Variants in INTS9 observed in about 807,000 individuals in gnomAD.
INTS9 encodes integrator complex subunit 9.
INTS9 carries 55 observed loss-of-function variants against 79.7 expected under a neutral mutation model. The observed-to-expected ratio is 0.69, with a 90% CI of 0.56 to 0.86. INTS9 has a LOEUF of 0.86. INTS9 is among the 40% of genes least tolerant of loss of function. The pLI is 0.00. For synonymous variants in INTS9, 319 were observed against 325.2 expected (o/e 0.98, Z 0.20); for missense variants, 721 against 831.5 (o/e 0.87, Z 1.64).
At chr8:28,845,258 G>A (rs78090735) in intron 4 of INTS9, among the ~76,000 whole-genome samples, 101 of 152,264 alleles carry the variant, frequency 6.6e-4, no homozygotes, top group South Asian at 4.6e-3. Flanking sequence ...TGAGGATTGG[G>A]ACTAAGGCTG....
chr8:28,885,270 CA>C (rs1810121846), intron 1 of INTS9, among the ~76,000 whole-genome samples: 1 of 152,186 alleles, frequency 6.6e-6, no homozygotes, highest in Admixed American at 6.5e-5. Flanking sequence ...TTTTCTCCTT[CA>C]AATTTAATAA....
intron 6 of INTS9, among the ~76,000 whole-genome samples, chr8:28,826,552 C>A (rs1207208340): frequency 1.3e-5 from 2 of 152,184 alleles, no homozygotes; most frequent in African/African-American, 4.8e-5. Flanking sequence ...CCCCTACCCA[C>A]AGGATTCACC....
chr8:28,801,546 CAAGAA>C (rs1804530166), intron 8 of INTS9, among the ~76,000 whole-genome samples: 1 of 151,844 alleles, frequency 6.6e-6, no homozygotes, highest in South Asian at 2.1e-4. Flanking sequence ...AACCTTGATA[CAAGAA>C]ATCCAAATTT....
At chr8:28,772,325 C>T (rs1003163104) in intron 14 of INTS9, among the ~76,000 whole-genome samples, 8 of 152,210 alleles carry the variant, frequency 5.3e-5, no homozygotes, top group African/African-American at 1.7e-4. Context: ...ACCAGCCTGG[C>T]CAATATGGTG....
chr8:28,813,999 T>C (rs1805314134), intron 6 of INTS9, among the ~76,000 whole-genome samples: 1 of 151,048 alleles, frequency 6.6e-6, no homozygotes, highest in African/African-American at 2.4e-5. Context: ...GACCTTGTGA[T>C]AGGCCCAACT....
At position 28,777,894 on chromosome 8, in the gene INTS9, T is replaced by C. The variant is rs777669891; in HGVS notation, c.1330A>G (p.Ile444Val). ...AGCCGGGTGTCGATGGGGCAGTAGA[T>C]GCATTTCATGGCCAGCGGCTGGTAA... ...APYQPLAMKC[I>V]YCPIDTRLNF... The change falls in exon 13 of 17, where the codon ATC becomes GTC. Residue 444 changes from isoleucine to valine, a missense_variant. Physicochemically the swap from Ile to Val is conservative, Grantham distance 29. This residue lies in a region of INTS9 where 281 missense variants were observed against 300.8 expected (regional missense o/e 0.93). Transcript: ENST00000521022. 3.1e-6 allele frequency: 5 copies of C among 1,612,866 alleles called. No individual in the cohort carries two copies. Among genetic ancestry groups the C allele is most frequent in the Non-Finnish European group, 4.2e-6 (5 of 1,179,442 alleles).
chr8:28,887,604 C>T (rs1399983506), intron 1 of INTS9, among the ~76,000 whole-genome samples: 1 of 152,212 alleles, frequency 6.6e-6, no homozygotes, highest in African/African-American at 2.4e-5. Flanking sequence ...TGAAGCAGTA[C>T]ACAAAATTAA....
At chr8:28,803,300 C>A (rs1804627018) in intron 8 of INTS9, among the ~76,000 whole-genome samples, 1 of 152,102 alleles carries the variant, frequency 6.6e-6, no homozygotes, top group Non-Finnish European at 1.5e-5. Flanking sequence ...CAACATAATA[C>A]AAAATGTAGT....
intron 6 of INTS9, among the ~76,000 whole-genome samples, chr8:28,827,354 G>A (rs534797151): frequency 5.9e-5 from 9 of 151,828 alleles, no homozygotes; most frequent in Non-Finnish European, 1.2e-4. Context: ...GCACACTTTT[G>A]TGTTTTTATT....
intron 1 of INTS9, among the ~76,000 whole-genome samples, chr8:28,868,831 G>A (rs1030754279): frequency 2.6e-5 from 4 of 152,102 alleles, no homozygotes; most frequent in Non-Finnish European, 5.9e-5. Flanking sequence ...GGCTGGATGC[G>A]GTGGCTCATG....
At chr8:28,860,530 G>T (rs1458188154) in intron 1 of INTS9, among the ~76,000 whole-genome samples, 1 of 151,166 alleles carries the variant, frequency 6.6e-6, no homozygotes, top group Non-Finnish European at 1.5e-5. Context: ...AGGCTGGAGT[G>T]CAGTGGTGTG....
chr8:28,843,445 G>A (rs569402299), intron 4 of INTS9, among the ~76,000 whole-genome samples: 21 of 152,262 alleles, frequency 1.4e-4, no homozygotes, highest in African/African-American at 5.1e-4. Flanking sequence ...TGGCATCTAG[G>A]AATTTGTCTG....
chr8:28,778,014 A>G, intron 12 of INTS9, 61 bp from the exon 13 acceptor site: 1 of 1,508,480 alleles, frequency 6.6e-7, no homozygotes, highest in Middle Eastern at 1.8e-4. Flanking sequence ...GCCAAGCCAG[A>G]CAGCAACTGG....
At chr8:28,823,732 T>C (rs1172063867) in intron 6 of INTS9, among the ~76,000 whole-genome samples, 1 of 150,884 alleles carries the variant, frequency 6.6e-6, no homozygotes, top group Non-Finnish European at 1.5e-5. Flanking sequence ...ATAAAACAAC[T>C]AGACAAATAA....
chr8:28,770,081 A>G, intron 15 of INTS9, 55 bp from the exon 16 acceptor site: 1 of 1,587,016 alleles, frequency 6.3e-7, no homozygotes, highest in East Asian at 2.2e-5. Flanking sequence ...AGCAGGGGCC[A>G]CCGCAGGCCA....
chr8:28,814,899 A>C (rs896976455), intron 6 of INTS9, among the ~76,000 whole-genome samples: 52 of 152,240 alleles, frequency 3.4e-4, no homozygotes, highest in African/African-American at 1.2e-3. Flanking sequence ...GAAACAGCTC[A>C]ATCAGATTAC....
At chr8:28,789,173 A>C (rs1803784208) in intron 10 of INTS9, among the ~76,000 whole-genome samples, 1 of 152,230 alleles carries the variant, frequency 6.6e-6, no homozygotes, top group African/African-American at 2.4e-5. Flanking sequence ...CAGGGAGACA[A>C]ATATAAGAGC....
chr8:28,869,279 C>CTGT (rs1808938765), intron 1 of INTS9, among the ~76,000 whole-genome samples: 2 of 152,170 alleles, frequency 1.3e-5, no homozygotes, highest in Non-Finnish European at 1.5e-5. Context: ...TGGGCTCCAG[C>CTGT]AAGTGATCTG....
chr8:28,857,998 AAG>A (rs1808266703), intron 2 of INTS9, among the ~76,000 whole-genome samples: 1 of 152,136 alleles, frequency 6.6e-6, no homozygotes, highest in Admixed American at 6.5e-5. Flanking sequence ...TGGGAAGGGG[AAG>A]AGAGGGAACG....
Sources: allele counts gnomAD v4.1 joint callset (sites outside exome capture counted in the v4.1 genomes callset), GRCh38; gene constraint gnomAD v4.1.1; regional missense constraint gnomAD v4.1.1; transcripts MANE v1.5; gene names NCBI Gene and HGNC (gene_info 2026-07-23, HGNC 2026-07-21).